Variants in PKD1L1 observed in about 807,000 individuals in gnomAD.
PKD1L1 encodes the protein polycystin-1-like protein 1.
A neutral mutation model predicts 323.4 loss-of-function variants in PKD1L1; 236 were observed. The observed-to-expected ratio is 0.73, with a 90% CI of 0.66 to 0.81. The LOEUF (loss-of-function observed/expected upper bound fraction) is 0.81, where lower values mean the gene tolerates loss of function less well. PKD1L1 is among the 40% of genes least tolerant of loss of function. The probability of loss-of-function intolerance (pLI) is 0.00; values close to 1 mark genes in which losing one functional copy is unlikely to be tolerated. For missense variants in PKD1L1, 3,320 were observed against 3,508.0 expected (o/e 0.95, Z 1.35); for synonymous variants, 1,344 against 1,335.0 (o/e 1.01, Z -0.15).
At chr7:47,944,248 A>G (rs1788053557) in intron 1 of PKD1L1, among the ~76,000 whole-genome samples, 1 of 151,874 alleles carries the variant, frequency 6.6e-6, no homozygotes, top group African/African-American at 2.4e-5. Flanking sequence ...TGGTCATTTA[A>G]AAGTGTGTGG....
At chr7:47,802,069 T>G (rs1784674901) in intron 53 of PKD1L1, among the ~76,000 whole-genome samples, 1 of 151,820 alleles carries the variant, frequency 6.6e-6, no homozygotes, top group African/African-American at 2.4e-5. Context: ...TGTGTGCCTG[T>G]AGTCCCAGCT....
chr7:47,917,906 C>T (rs1371327045), intron 7 of PKD1L1, among the ~76,000 whole-genome samples: 1 of 151,888 alleles, frequency 6.6e-6, no homozygotes, highest in African/African-American at 2.4e-5. Flanking sequence ...AACAAAACTA[C>T]AATTAAAAAA....
In PKD1L1 at chr7:47,890,638, T is replaced by C. The variant is rs1351872781; in HGVS notation, c.2579A>G (p.Tyr860Cys). 14 of 1,613,996 alleles carry C rather than the reference T, an allele frequency of 8.7e-6. No homozygotes were observed. Among genetic ancestry groups the C allele is most frequent in the South Asian group, 3.3e-5 (3 of 91,068 alleles). ...CCTCAGCATCACAAGGAACTGATCA[T>C]AGCTGTCACTGAGCCATTGTGCCTC... The part of the protein sequence containing the change: ...SFEAQWLSDS[Y>C]DQFLVMLRVS... The change falls in exon 16 of 57, where the codon TAT becomes TGT. Residue 860 changes from tyrosine (Y) to cysteine (C), a missense_variant. Physicochemically the swap from Tyr to Cys is radical, Grantham distance 194. Coordinates refer to ENST00000289672, the MANE Select transcript of PKD1L1 (RefSeq NM_138295.5).
At chr7:47,779,924 T>C (rs1404025360) in intron 56 of PKD1L1, among the ~76,000 whole-genome samples, 3 of 152,236 alleles carry the variant, frequency 2.0e-5, no homozygotes, top group Non-Finnish European at 4.4e-5. Flanking sequence ...TAGACTATTC[T>C]CTTGTTTGCT....
In PKD1L1 at chr7:47,857,560, T is replaced by A. The variant is rs530928879; in HGVS notation, c.4590+45A>T. 5.8e-6 allele frequency: 9 copies of A among 1,539,926 alleles called. No homozygotes were observed. In the Admixed American group the frequency reaches 7.1e-5, roughly 12 times the overall value. ...GTCATTTAAGCCCAATTACTGCAAA[T>A]TTGAAATGGTCATTAGAAGTGGCAG... On this transcript the variant is annotated intron_variant, in intron 28 of 56. Transcript: ENST00000289672.
At chr7:47,865,155 G>A in intron 26 of PKD1L1, 61 bp downstream of exon 26, 1 of 1,234,000 alleles carries the variant, frequency 8.1e-7, no homozygotes, top group Non-Finnish European at 1.2e-6. Context: ...TTCAAGAACT[G>A]ATCATGTCCC....
At chr7:47,849,166 T>A (rs1785727599) in intron 31 of PKD1L1, among the ~76,000 whole-genome samples, 1 of 152,186 alleles carries the variant, frequency 6.6e-6, no homozygotes, top group Non-Finnish European at 1.5e-5. Flanking sequence ...TAAAACTGGA[T>A]CCTCATCTCT....
At chr7:47,935,142 G>C (rs1019969813) in intron 4 of PKD1L1, among the ~76,000 whole-genome samples, 5 of 152,202 alleles carry the variant, frequency 3.3e-5, no homozygotes, top group African/African-American at 1.2e-4. Flanking sequence ...CTTGCTAATT[G>C]AACAGTTACT....
chr7:47,848,098 C>T (rs1465608102), intron 31 of PKD1L1, among the ~76,000 whole-genome samples: 1 of 152,126 alleles, frequency 6.6e-6, no homozygotes. Flanking sequence ...GAAAATACAT[C>T]CTTTTGGCAA....
At chr7:47,795,574 A>G (rs1784505862) in intron 55 of PKD1L1, 2 of 348,192 alleles carry the variant, frequency 5.7e-6, no homozygotes, top group South Asian at 4.4e-5. Context: ...TGATTTGTTT[A>G]CATGCATGTC....
At chr7:47,873,841 A>C (rs1324284204) in intron 24 of PKD1L1, 58 bp downstream of exon 24, 1 of 1,355,014 alleles carries the variant, frequency 7.4e-7, no homozygotes, top group Non-Finnish European at 1.0e-6. Context: ...GGGGAGAGCC[A>C]ACTCTGGAAG....
intron 26 of PKD1L1, among the ~76,000 whole-genome samples, chr7:47,864,428 A>C (rs553025780): frequency 1.2e-4 from 18 of 152,244 alleles, no homozygotes; most frequent in African/African-American, 4.1e-4. Context: ...AGAAGGTGTG[A>C]CGAAGGAAAA....
chr7:47,877,039 C>G (rs1786420762), intron 22 of PKD1L1, among the ~76,000 whole-genome samples: 1 of 152,134 alleles, frequency 6.6e-6, no homozygotes, highest in African/African-American at 2.4e-5. Flanking sequence ...TTCACCCTCA[C>G]AAGACCCTGA....
At chr7:47,837,325 G>A (rs892304789) in intron 36 of PKD1L1, among the ~76,000 whole-genome samples, 2 of 152,162 alleles carry the variant, frequency 1.3e-5, no homozygotes, top group African/African-American at 4.8e-5. Context: ...GGTGGGCTGT[G>A]GGTGCAGGTG....
chr7:47,920,799 C>T (rs1014571522), intron 7 of PKD1L1, among the ~76,000 whole-genome samples: 4 of 152,130 alleles, frequency 2.6e-5, no homozygotes, highest in South Asian at 2.1e-4. Context: ...GGAATGGACG[C>T]TCTTTTCAAC....
chr7:47,804,450 G>A (rs1044121226), intron 52 of PKD1L1, among the ~76,000 whole-genome samples: 10 of 149,636 alleles, frequency 6.7e-5, no homozygotes, highest in Non-Finnish European at 1.3e-4. Flanking sequence ...AAAAATTATT[G>A]AGATATTTTA....
At chr7:47,937,259 T>TGGGGGGGGGGGGGGGGG (rs10610147) in intron 3 of PKD1L1, among the ~76,000 whole-genome samples, 1 of 73,088 alleles carries the variant, frequency 1.4e-5, no homozygotes. Context: ...GGGGTGGGGG[T>TGGGGGGGGGGGGGGGGG]GGGGGGGGGG....
rs764730371 is a variant in PKD1L1 at position 47,858,692 on chromosome 7, A to G, written c.4343T>C (p.Val1448Ala). 6.2e-7 allele frequency: 1 copy of G among 1,612,992 alleles called. No homozygotes were observed. Among genetic ancestry groups the G allele is most frequent in the Non-Finnish European group, 8.5e-7 (1 of 1,178,978 alleles). Residue 1448 changes from valine to alanine, a missense_variant, in exon 27 of 57, where the codon GTC becomes GCC. Transcript: ENST00000289672. ...EVYRHEEGITVISDLLLGCLS... is the reference protein window; with the variant it reads ...EVYRHEEGITAISDLLLGCLS... ...ACTTACCAACAATAAATCTGAGATG[A>G]CTGTAATTCCTTCTTCATGTCGATA...
intron 52 of PKD1L1, among the ~76,000 whole-genome samples, chr7:47,804,482 T>TTTC (rs1784734709): frequency 6.8e-6 from 1 of 148,084 alleles, no homozygotes; most frequent in Non-Finnish European, 1.5e-5. Flanking sequence ...TTTTTTTTTT[T>TTTC]TTTTTTTGAG....
Sources: allele counts gnomAD v4.1 joint callset (sites outside exome capture counted in the v4.1 genomes callset), GRCh38; gene constraint gnomAD v4.1.1; transcripts MANE v1.5; gene names NCBI Gene and HGNC (gene_info 2026-07-23, HGNC 2026-07-21).